The following FOXN2 variants were observed in gnomAD, a reference collection of about 807,000 sequenced individuals.
The protein encoded by FOXN2 is forkhead box N2.
A neutral mutation model predicts 41.2 loss-of-function variants in FOXN2; 19 were observed. That is an observed-to-expected ratio of 0.46 (90% CI 0.32 to 0.68). The LOEUF (loss-of-function observed/expected upper bound fraction) is 0.68, where lower values mean the gene tolerates loss of function less well. Ranked by LOEUF, FOXN2 falls within the 30% of genes least tolerant of loss-of-function variation. FOXN2 has a pLI of 0.03. For synonymous variants in FOXN2, 195 were observed against 176.8 expected, an observed-to-expected ratio of 1.10 and a Z score of -0.82; for missense variants, 587 against 509.4, an observed-to-expected ratio of 1.15 and a Z score of -1.47.
Position 48,346,678 on chromosome 2 carries a change from G to T in FOXN2, c.464G>T (p.Gly155Val). ...CCATATTTTGCTACTGCACCAACAG[G>T]CTGGAAGAATTCTGTTCGACATAAT... Reference protein sequence around the residue: ...HFPYFATAPTGWKNSVRHNLS... With the variant: ...HFPYFATAPTVWKNSVRHNLS... The change falls in exon 3 of 7, where the codon GGC becomes GTC. Residue 155 changes from glycine to valine, a missense_variant. Physicochemically the swap from Gly to Val is moderately radical, Grantham distance 109 (BLOSUM62 -3). Transcript: ENST00000340553. 6.2e-7 allele frequency: 1 copy of T among 1,613,006 alleles called. No individual in the cohort carries two copies. Among genetic ancestry groups the T allele is most frequent in the Non-Finnish European group, 8.5e-7 (1 of 1,179,702 alleles).
intron 3 of FOXN2, 146 bp downstream of exon 3, chr2:48,346,897 T>C: frequency 1.6e-6 from 1 of 641,926 alleles, no homozygotes; most frequent in Middle Eastern, 3.9e-4. Flanking sequence ...TTGTTTTCAC[T>C]TGAGATGTTT....
At chr2:48,364,131 A>G (rs550476153) in intron 5 of FOXN2, among the ~76,000 whole-genome samples, 12 of 152,320 alleles carry the variant, frequency 7.9e-5, no homozygotes, top group Admixed American at 4.6e-4. Flanking sequence ...CTATTTTAAC[A>G]AGTATTATGT....
intron 2 of FOXN2, among the ~76,000 whole-genome samples, chr2:48,344,840 ACC>A (rs35784840): frequency 0.23 from 29,202 of 129,166 alleles, 3,673 homozygotes; most frequent in East Asian, 0.49. Context: ...CTCTGGAGGT[ACC>A]CCCCCCCCCC....
chr2:48,318,473 A>G (rs1452389187), intron 1 of FOXN2, among the ~76,000 whole-genome samples: 1 of 152,222 alleles, frequency 6.6e-6, no homozygotes, highest in East Asian at 1.9e-4. Flanking sequence ...TATCAAGGAT[A>G]CAAACTAACG....
At chr2:48,372,944 C>T (rs1160523141) in intron 5 of FOXN2, among the ~76,000 whole-genome samples, 2 of 147,270 alleles carry the variant, frequency 1.4e-5, no homozygotes, top group African/African-American at 5.0e-5. Context: ...AAAGGAGTAA[C>T]GATGTACATT....
rs901650705 is a variant in FOXN2, at chr2:48,377,331, A to G, written c.*1888A>G. 8.5e-5 allele frequency: 13 copies of G among 152,074 alleles called. No homozygotes were observed. Among genetic ancestry groups the G allele is most frequent in the Admixed American group, 4.6e-4 (7 of 15,264 alleles). 9.4% of individuals were successfully genotyped at this position (152,074 alleles called of 1,614,324 possible). On this transcript the variant is annotated 3_prime_UTR_variant, in exon 7 of 7. Coordinates refer to ENST00000340553, the MANE Select transcript of FOXN2 (RefSeq NM_002158.4). ...CAAAAATGCTTTAACCACAGTATAA[A>G]TAATAGATTATACACATCATCTTAA...
intron 2 of FOXN2, among the ~76,000 whole-genome samples, chr2:48,334,809 A>G (rs193062972): frequency 1.3e-5 from 2 of 152,326 alleles, no homozygotes; most frequent in East Asian, 3.9e-4. Flanking sequence ...CTGTACCTTT[A>G]TAAGAGTGAT....
At chr2:48,341,409 C>CT (rs1445940753) in intron 2 of FOXN2, among the ~76,000 whole-genome samples, 2 of 152,108 alleles carry the variant, frequency 1.3e-5, no homozygotes, top group Non-Finnish European at 2.9e-5. Context: ...TTGTGCACAG[C>CT]TGATGGGCCA....
At chr2:48,333,563 T>G (rs1483113999) in intron 2 of FOXN2, among the ~76,000 whole-genome samples, 1 of 152,176 alleles carries the variant, frequency 6.6e-6, no homozygotes, top group Non-Finnish European at 1.5e-5. Context: ...TGCATTAAAT[T>G]CATGTCCCTT....
chr2:48,349,836 C>T (rs1158798500), intron 3 of FOXN2, among the ~76,000 whole-genome samples: 1 of 152,206 alleles, frequency 6.6e-6, no homozygotes, highest in Non-Finnish European at 1.5e-5. Context: ...TTACCTTTGA[C>T]AGAGCACAGA....
chr2:48,358,965 C>A, intron 3 of FOXN2, 82 bp from the exon 4 acceptor site: 1 of 1,012,266 alleles, frequency 9.9e-7, no homozygotes, highest in Non-Finnish European at 1.5e-6. Flanking sequence ...GATTATTTAC[C>A]CCTGCACATT....
chr2:48,373,240 A>G, intron 5 of FOXN2, 52 bp from the exon 6 acceptor site: 1 of 1,300,662 alleles, frequency 7.7e-7, no homozygotes, highest in South Asian at 1.3e-5. Context: ...AATACTTAGA[A>G]TAGCCTCTCC....
intron 5 of FOXN2, among the ~76,000 whole-genome samples, chr2:48,370,837 G>A (rs1025298754): frequency 3.9e-5 from 6 of 152,024 alleles, no homozygotes; most frequent in Non-Finnish European, 8.8e-5. Flanking sequence ...TGTTACCTAT[G>A]TTTTTGAGGT....
chr2:48,354,725 ACT>A (rs1201558019), intron 3 of FOXN2, among the ~76,000 whole-genome samples: 2 of 152,212 alleles, frequency 1.3e-5, no homozygotes, highest in Non-Finnish European at 2.9e-5. Flanking sequence ...TATAGAAGAA[ACT>A]CATATAATTT....
rs1057122551 is a variant in FOXN2, at chr2:48,378,616, G to A, written c.*3173G>A. 1.5e-4 allele frequency: 23 copies of A among 151,796 alleles called. 1 individual carries two copies. The highest frequency in any genetic ancestry group is 4.4e-5 in the Non-Finnish European group (3 of 67,816). The allele number at this position is 151,796 out of a possible 1,614,324, so 9.4% of individuals were successfully genotyped here. On this transcript the variant is annotated 3_prime_UTR_variant, in exon 7 of 7. Transcript: ENST00000340553. Reference sequence around the variant, plus strand: ...CTACAACAACTTAACACCCTTTTGTGAAGATCACAGCATTTATCTAAGAAA... The same window carrying A: ...CTACAACAACTTAACACCCTTTTGTAAAGATCACAGCATTTATCTAAGAAA...
At chr2:48,327,211 A>G (rs368057714) in intron 1 of FOXN2, among the ~76,000 whole-genome samples, 1 of 151,968 alleles carries the variant, frequency 6.6e-6, no homozygotes, top group Non-Finnish European at 1.5e-5. Flanking sequence ...CACTGCAAAC[A>G]TTAATCTGTC....
At chr2:48,371,338 A>C (rs1376512490) in intron 5 of FOXN2, among the ~76,000 whole-genome samples, 1 of 152,178 alleles carries the variant, frequency 6.6e-6, no homozygotes, top group Non-Finnish European at 1.5e-5. Context: ...TGGAGGTTGC[A>C]GTGACCCGAG....
chr2:48,337,821 A>G (rs959678706), intron 2 of FOXN2, among the ~76,000 whole-genome samples: 1 of 152,228 alleles, frequency 6.6e-6, no homozygotes, highest in Non-Finnish European at 1.5e-5. Context: ...CATAGCCACA[A>G]AATAAAGCAA....
chr2:48,327,271 A>T (rs1669737760), intron 1 of FOXN2, among the ~76,000 whole-genome samples: 1 of 152,152 alleles, frequency 6.6e-6, no homozygotes, highest in South Asian at 2.1e-4. Context: ...TTATAGTAGC[A>T]AATAGAACTA....
Sources: gnomAD v4.1 joint callset for allele counts (sites outside exome capture counted in the v4.1 genomes callset) on GRCh38, gnomAD v4.1.1 for gene constraint, MANE v1.5 for transcripts, NCBI Gene and HGNC (gene_info 2026-07-23, HGNC 2026-07-21) for gene names.